The following ARL13A variants were observed in gnomAD, a reference collection of about 807,000 sequenced individuals.
ARL13A encodes ARF like GTPase 13A.
In ARL13A, 16 loss-of-function variants were observed where a neutral mutation model predicts 19.1. That is an observed-to-expected ratio of 0.84 (90% CI 0.57 to 1.27). The LOEUF is 1.27. Among genes scored for constraint, ARL13A ranks in the 50% most tolerant of loss-of-function variants. The probability of loss-of-function intolerance (pLI) is 0.00; values close to 1 mark genes in which losing one functional copy is unlikely to be tolerated. For synonymous variants in ARL13A, 69 were observed against 71.3 expected (o/e 0.97, Z 0.17); for missense variants, 153 against 186.4 (o/e 0.82, Z 1.04).
At chrX:100,984,154 C>G (rs892899484) in intron 3 of ARL13A, among the ~76,000 whole-genome samples, 8 of 107,069 alleles carry the variant, frequency 7.5e-5, no homozygotes, top group Non-Finnish European at 1.5e-4. Context: ...ACTCTTGTCC[C>G]CCATGCTGGA....
At chrX:100,974,340 CACACACACAT>C in intron 3 of ARL13A, 143 bp downstream of exon 3, 1 of 460,403 alleles carries the variant, frequency 2.2e-6, no homozygotes. Context: ...CACACACGCA[CACACACACAT>C]ACTCTATCTC....
At chrX:100,982,506 T>TAAAA (rs1259758230) in intron 3 of ARL13A, among the ~76,000 whole-genome samples, 94 of 85,881 alleles carry the variant, frequency 1.1e-3, no homozygotes, top group African/African-American at 3.7e-3. Flanking sequence ...AATAAATAAA[T>TAAAA]AAAATGCTCT....
At chrX:100,973,435 CG>C (rs1265653927) in intron 1 of ARL13A, among the ~76,000 whole-genome samples, 1 of 106,563 alleles carries the variant, frequency 9.4e-6, no homozygotes, top group Admixed American at 9.9e-5. Context: ...CGGCGCTCGC[CG>C]GCGCGGCGGC....
At position 100,972,514 on chromosome X, in the gene ARL13A, G is replaced by C. The variant is rs1447609114; in HGVS notation, c.-14-1162G>C. ...GACCCCCCCCACCTCCCTCCCGGACGGGGCGGCTGGCCGGGCGGGGGACTG... is the reference window on the plus strand; with the variant it reads ...GACCCCCCCCACCTCCCTCCCGGACCGGGCGGCTGGCCGGGCGGGGGACTG... On this transcript the variant is annotated intron_variant, in intron 1 of 7. Coordinates refer to ENST00000450049, the MANE Select transcript of ARL13A (RefSeq NM_001162491.2). Among the ~76,000 whole-genome samples, 34 of 86,285 alleles carry C rather than the reference G, an allele frequency of 3.9e-4. 1 individual carries two copies. The highest frequency in any genetic ancestry group is 1.5e-3 in the Admixed American group (13 of 8,754). The allele number at this position is 86,285 out of a possible 115,157, so 74.9% of individuals were successfully genotyped here. A position where few individuals can be genotyped will look rare whatever the true frequency, so the allele number is the denominator to read the frequency against.
At position 100,985,894 on chromosome X, in the gene ARL13A, G is replaced by C; in HGVS notation, c.358G>C (p.Val120Leu). The C allele has an allele frequency of 8.3e-7, 1 of 1,205,070 alleles. No homozygotes were observed. Among genetic ancestry groups the C allele is most frequent in the Non-Finnish European group, 1.1e-6 (1 of 892,944 alleles). The stretch of plus-strand genomic sequence containing the variant: ...AACACATCTGCTGTCCGATAAAAGA[G>C]TGGCAGGGAAACCCATCTTAATGTA... ...ILTHLLSDKRVAGKPILILAN... is the reference protein window; with the variant it reads ...ILTHLLSDKRLAGKPILILAN... The change falls in exon 4 of 8, where the codon GTG becomes CTG. Residue 120 changes from valine (V) to leucine (L), a missense_variant. By Grantham distance (32) the Val-to-Leu change is conservative. Coordinates refer to ENST00000450049, the MANE Select transcript of ARL13A (RefSeq NM_001162491.2).
At chrX:100,971,516 G>C (rs1289722340) in intron 1 of ARL13A, among the ~76,000 whole-genome samples, 54 of 91,594 alleles carry the variant, frequency 5.9e-4, no homozygotes, top group Non-Finnish European at 1.0e-3. Context: ...TTTGAAGAAA[G>C]TTACTCATTA....
At chrX:100,970,587 T>C (rs756505665) in intron 1 of ARL13A, among the ~76,000 whole-genome samples, 85 of 111,852 alleles carry the variant, frequency 7.6e-4, no homozygotes, top group Non-Finnish European at 1.3e-3. Context: ...CTGAACCCCC[T>C]CATATACCAA....
At chrX:100,975,266 C>G (rs780092926) in intron 3 of ARL13A, among the ~76,000 whole-genome samples, 2 of 111,616 alleles carry the variant, frequency 1.8e-5, no homozygotes, top group African/African-American at 6.5e-5. Flanking sequence ...TTTTCTAGTT[C>G]TGTACATGCT....
intron 3 of ARL13A, among the ~76,000 whole-genome samples, chrX:100,974,802 C>T (rs1291485229): frequency 8.9e-6 from 1 of 111,833 alleles, no homozygotes; most frequent in Non-Finnish European, 1.9e-5. Context: ...TATTAAGGAC[C>T]AATCAAAGAA....
Position 100,988,060 on chromosome X carries a change from A to C in ARL13A, c.654-133A>C, listed in dbSNP as rs1158113456. 15 of 489,461 alleles carry C rather than the reference A, an allele frequency of 3.1e-5. No individual in the cohort carries two copies. The Admixed American group carries it at 5.0e-4, about 16-fold the overall frequency. 40.3% of individuals were successfully genotyped at this position (489,461 alleles called of 1,213,427 possible). ...CAGAGTTTTGAGGAGCAAAAGGCCT[A>C]AACATCCTCTTGCTCTGTTGTCACT... On this transcript the variant is annotated intron_variant, in intron 6 of 7. Coordinates refer to ENST00000450049, the MANE Select transcript of ARL13A (RefSeq NM_001162491.2).
chrX:100,980,296 C>G (rs1181839122), intron 3 of ARL13A, among the ~76,000 whole-genome samples: 2 of 109,583 alleles, frequency 1.8e-5, no homozygotes, highest in African/African-American at 3.3e-5. Flanking sequence ...TGGGGCTGAG[C>G]AAGTACCCAG....
At chrX:100,981,531 C>T (rs1304014337) in intron 3 of ARL13A, among the ~76,000 whole-genome samples, 4 of 108,274 alleles carry the variant, frequency 3.7e-5, no homozygotes, top group Non-Finnish European at 7.7e-5. Flanking sequence ...AGGTGGGGTG[C>T]GGGGGCTCAT....
chrX:100,975,675 C>T (rs982669517), intron 3 of ARL13A, among the ~76,000 whole-genome samples: 2 of 107,144 alleles, frequency 1.9e-5, no homozygotes, highest in African/African-American at 6.9e-5. Context: ...TTCTGTTGCC[C>T]AGGCTGGAGT....
Sources: allele counts gnomAD v4.1 joint callset (sites outside exome capture counted in the v4.1 genomes callset), GRCh38; gene constraint gnomAD v4.1.1; transcripts MANE v1.5; gene names NCBI Gene and HGNC (gene_info 2026-07-23, HGNC 2026-07-21).